TM9SF2: variants seen among roughly 807,000 people sequenced by gnomAD.
The protein encoded by TM9SF2 is transmembrane 9 superfamily member 2.
Under a neutral mutation model 84.9 loss-of-function variants are expected in TM9SF2, and 13 were observed. The ratio of observed to expected loss-of-function variants is 0.15; its 90% CI spans 0.10 to 0.24. The LOEUF is 0.24. Ranked by LOEUF, TM9SF2 falls within the 10% of genes least tolerant of loss-of-function variation. TM9SF2 has a pLI of 1.00. For missense variants in TM9SF2, 562 were observed against 818.5 expected (o/e 0.69, Z 3.82); for synonymous variants, 273 against 285.8 (o/e 0.96, Z 0.45).
At chr13:99,529,296 G>T (rs1057378539) in intron 3 of TM9SF2, among the ~76,000 whole-genome samples, 171 bp from the exon 4 acceptor site, 14 of 152,002 alleles carry the variant, frequency 9.2e-5, no homozygotes, top group African/African-American at 3.4e-4. Flanking sequence ...AACACAGTAG[G>T]ATTAAAATTT....
chr13:99,559,284 G>A (rs2139114704), intron 15 of TM9SF2, 79 bp from the exon 16 acceptor site: 1 of 1,259,550 alleles, frequency 7.9e-7, no homozygotes. Flanking sequence ...CATTTATTAT[G>A]CTTGCTTTGA....
intron 2 of TM9SF2, 87 bp downstream of exon 2, chr13:99,517,768 T>C (rs1167688354): frequency 3.7e-6 from 3 of 801,136 alleles, no homozygotes; most frequent in Middle Eastern, 2.8e-4. Flanking sequence ...CTCACAGTTA[T>C]GGACAAGCCT....
chr13:99,540,497 T>C (rs901895821), intron 7 of TM9SF2: 2 of 115,982 alleles, frequency 1.7e-5, no homozygotes, highest in Non-Finnish European at 3.5e-5. Context: ...TAGGAATTCT[T>C]TTTTTTTTTT....
intron 3 of TM9SF2, among the ~76,000 whole-genome samples, chr13:99,524,396 A>G (rs1014096032): frequency 1.1e-4 from 16 of 151,876 alleles, no homozygotes; most frequent in East Asian, 3.9e-4. Context: ...TGGAGTTTCT[A>G]TTTTCTAAGA....
chr13:99,549,071 T>C, intron 11 of TM9SF2, 94 bp from the exon 12 acceptor site: 1 of 1,007,070 alleles, frequency 9.9e-7, no homozygotes, highest in Non-Finnish European at 1.5e-6. Context: ...CTCATTGCTG[T>C]CTGACAGTTT....
intron 3 of TM9SF2, among the ~76,000 whole-genome samples, 171 bp downstream of exon 3, chr13:99,520,300 G>A (rs2046153762): frequency 6.6e-6 from 1 of 152,172 alleles, no homozygotes; most frequent in African/African-American, 2.4e-5. Flanking sequence ...CCTTCTCACA[G>A]TGTGTCATTG....
intron 6 of TM9SF2, among the ~76,000 whole-genome samples, chr13:99,538,241 A>G (rs548507619): frequency 1.5e-3 from 222 of 152,342 alleles, no homozygotes; most frequent in Non-Finnish European, 2.7e-3. Flanking sequence ...TGAGTGGACA[A>G]GTACTGTGAT....
intron 9 of TM9SF2, among the ~76,000 whole-genome samples, chr13:99,542,837 G>A (rs2046266602): frequency 6.6e-6 from 1 of 152,154 alleles, no homozygotes; most frequent in South Asian, 2.1e-4. Context: ...GGCCAGTGGT[G>A]ACTCTGCTTC....
At chr13:99,521,924 C>G (rs2046162382) in intron 3 of TM9SF2, among the ~76,000 whole-genome samples, 1 of 152,142 alleles carries the variant, frequency 6.6e-6, no homozygotes, top group Non-Finnish European at 1.5e-5. Flanking sequence ...CCAGGCTTGT[C>G]CTGAACTTCT....
chr13:99,523,524 C>T (rs1005994447), intron 3 of TM9SF2, among the ~76,000 whole-genome samples: 2 of 152,182 alleles, frequency 1.3e-5, no homozygotes, highest in Non-Finnish European at 2.9e-5. Flanking sequence ...TCTGCTTTGT[C>T]GTCTTTTATA....
intron 3 of TM9SF2, among the ~76,000 whole-genome samples, chr13:99,527,946 C>T (rs2046191393): frequency 6.6e-6 from 1 of 152,114 alleles, no homozygotes; most frequent in South Asian, 2.1e-4. Context: ...TTGACTCGTA[C>T]CCAGGTCTGA....
At chr13:99,533,226 A>G (rs1251838275) in intron 4 of TM9SF2, among the ~76,000 whole-genome samples, 1 of 152,206 alleles carries the variant, frequency 6.6e-6, no homozygotes, top group Non-Finnish European at 1.5e-5. Flanking sequence ...TCATAAAGCA[A>G]TACATGCCGA....
chr13:99,520,485 C>G (rs999598477), intron 3 of TM9SF2, among the ~76,000 whole-genome samples: 1 of 151,528 alleles, frequency 6.6e-6, no homozygotes, highest in Non-Finnish European at 1.5e-5. Flanking sequence ...CTCTTTCCCC[C>G]TGTTTTCCAG....
At chr13:99,525,646 G>T (rs9300556) in intron 3 of TM9SF2, among the ~76,000 whole-genome samples, 1 of 151,196 alleles carries the variant, frequency 6.6e-6, no homozygotes, top group Non-Finnish European at 1.5e-5. Context: ...AGCTCCACCT[G>T]CCGAGTTCAC....
intron 4 of TM9SF2, among the ~76,000 whole-genome samples, chr13:99,535,942 T>A (rs1256263824): frequency 9.8e-5 from 15 of 152,346 alleles, no homozygotes; most frequent in African/African-American, 3.6e-4. Context: ...TTTGCAACAG[T>A]ATTTCTTTTA....
chr13:99,505,601 T>G (rs1185738160), intron 1 of TM9SF2, among the ~76,000 whole-genome samples: 1 of 152,268 alleles, frequency 6.6e-6, no homozygotes, highest in East Asian at 1.9e-4. Context: ...TAGAATTCAC[T>G]TTACTTTCTT....
chr13:99,540,767 G>T lies in TM9SF2; in HGVS notation c.882G>T (p.Met294Ile), dbSNP rs761150233. The T allele has an allele frequency of 8.7e-6, 14 of 1,613,658 alleles. No homozygotes were observed. The highest frequency in any genetic ancestry group is 4.2e-6 in the Non-Finnish European group (5 of 1,179,874). Reference sequence around the variant, plus strand: ...GATGGGACTATATTCTGGAGTCTATGCCTCATACCCACATTCAGTGGTTTA... The same window carrying T: ...GATGGGACTATATTCTGGAGTCTATTCCTCATACCCACATTCAGTGGTTTA... Reference protein sequence around the residue: ...ASRWDYILESMPHTHIQWFSI... With the variant: ...ASRWDYILESIPHTHIQWFSI... Residue 294 changes from methionine (M) to isoleucine (I), a missense_variant, in exon 8 of 17, where the codon ATG (methionine) becomes ATT (isoleucine). Transcript: ENST00000376387.
At chr13:99,560,197 G>A (rs542666060) in intron 16 of TM9SF2, among the ~76,000 whole-genome samples, 2 of 152,146 alleles carry the variant, frequency 1.3e-5, no homozygotes, top group African/African-American at 2.4e-5. Context: ...TGCCCGAAGC[G>A]TGCATCTAAA....
intron 1 of TM9SF2, among the ~76,000 whole-genome samples, chr13:99,505,771 G>T (rs760516684): frequency 6.6e-6 from 1 of 152,188 alleles, no homozygotes; most frequent in Non-Finnish European, 1.5e-5. Context: ...AAATCTTAGT[G>T]TGCCGAGTGG....
Sources: gnomAD v4.1 joint callset for allele counts (sites outside exome capture counted in the v4.1 genomes callset) on GRCh38, gnomAD v4.1.1 for gene constraint, MANE v1.5 for transcripts, NCBI Gene and HGNC (gene_info 2026-07-23, HGNC 2026-07-21) for gene names.